Variants in BRD1 observed in about 807,000 individuals in gnomAD.
BRD1 encodes the protein bromodomain containing 1.
Under a neutral mutation model 107.7 loss-of-function variants are expected in BRD1, and 24 were observed. The observed-to-expected ratio is 0.22, with a 90% CI of 0.16 to 0.31. The LOEUF is 0.31. Among genes scored for constraint, BRD1 ranks in the 10% least tolerant of loss-of-function variants. The pLI is 1.00. For missense variants in BRD1, 1,279 were observed against 1,638.6 expected (o/e 0.78, Z 3.79); for synonymous variants, 744 against 686.1 (o/e 1.08, Z -1.32).
Position 49,823,695 on chromosome 22 carries a change from T to C in BRD1, c.623A>G (p.Gln208Arg). Reference sequence around the variant, plus strand: ...CACGGCGTCCTCGTCGATCAGAGACTGCTGCTCGCCCTGCTTCTGGTTCTC... The same window carrying C: ...CACGGCGTCCTCGTCGATCAGAGACCGCTGCTCGCCCTGCTTCTGGTTCTC... ...HCENQKQGEQQSLIDEDAVCC... is the reference protein window; with the variant it reads ...HCENQKQGEQRSLIDEDAVCC... The change falls in exon 2 of 13, where the codon CAG (glutamine) becomes CGG (arginine). Residue 208 changes from glutamine (Q) to arginine (R), a missense_variant. This residue lies in a region of BRD1 where 158 missense variants were observed against 310.2 expected (regional missense o/e 0.51). Transcript: ENST00000404760. 6.2e-7 allele frequency: 1 copy of C among 1,613,848 alleles called. No homozygotes were observed. Among genetic ancestry groups the C allele is most frequent in the Non-Finnish European group, 8.5e-7 (1 of 1,179,964 alleles).
Position 49,794,092 on chromosome 22 carries a change from T to G in BRD1, c.2301A>C (p.Pro767=). ...CGTCCTCTTCGAAGCCTTCCAAGCC[T>G]GGCCCCGTGGGCAGGGGCTGGCTGT... ...QQHSQPLPTG[P]GLEGFEEDGA... is the part of the protein sequence containing the mutation. Residue 767 remains proline, a synonymous_variant, in exon 7 of 13, where the codon CCA becomes CCC. Coordinates refer to ENST00000404760, the MANE Select transcript of BRD1 (RefSeq NM_001304808.3). 6.2e-7 allele frequency: 1 copy of G among 1,614,210 alleles called. No homozygotes were observed. The highest frequency in any genetic ancestry group is 8.5e-7 in the Non-Finnish European group (1 of 1,180,048).
chr22:49,815,219 T>C (rs1275299210), intron 2 of BRD1, among the ~76,000 whole-genome samples: 1 of 152,180 alleles, frequency 6.6e-6, no homozygotes, highest in Non-Finnish European at 1.5e-5. Flanking sequence ...CCAGCACAAT[T>C]TTTATTTGCT....
At chr22:49,809,765 C>G (rs1421315515) in intron 2 of BRD1, among the ~76,000 whole-genome samples, 1 of 152,054 alleles carries the variant, frequency 6.6e-6, no homozygotes, top group Non-Finnish European at 1.5e-5. Flanking sequence ...ATTCCAAATG[C>G]GTACACACTG....
chr22:49,800,159 C>T (rs963372279), intron 3 of BRD1, among the ~76,000 whole-genome samples: 11 of 152,096 alleles, frequency 7.2e-5, no homozygotes, highest in East Asian at 5.8e-4. Context: ...TTCAAAGGAC[C>T]GAGGGTGTGA....
At chr22:49,807,977 T>C (rs1024432566) in intron 2 of BRD1, among the ~76,000 whole-genome samples, 7 of 152,210 alleles carry the variant, frequency 4.6e-5, no homozygotes, top group African/African-American at 7.2e-5. Context: ...CAAACTATGA[T>C]GTCACCTTCA....
chr22:49,775,836 C>CCCCCCCCCCG, intron 11 of BRD1, 91 bp from the exon 12 acceptor site: 1 of 1,270,248 alleles, frequency 7.9e-7, no homozygotes, highest in South Asian at 1.8e-5. Flanking sequence ...CCTCCCCACC[C>CCCCCCCCCCG]CAGCTGTGTG....
At chr22:49,799,602 G>A (rs1221687073) in intron 3 of BRD1, among the ~76,000 whole-genome samples, 1 of 152,236 alleles carries the variant, frequency 6.6e-6, no homozygotes, top group East Asian at 1.9e-4. Flanking sequence ...ACGGGGGCCT[G>A]GCACACAGCC....
At chr22:49,810,664 C>G (rs1282488594) in intron 2 of BRD1, among the ~76,000 whole-genome samples, 2 of 152,208 alleles carry the variant, frequency 1.3e-5, no homozygotes, top group Non-Finnish European at 2.9e-5. Context: ...TGGCAAAGAT[C>G]TGAACAGACA....
rs1254501800 is a variant in BRD1, at chr22:49,798,919, G to A, written c.1656+69C>T. The A allele has an allele frequency of 1.7e-5, 26 of 1,528,468 alleles. No homozygotes were observed. The Admixed American group carries it at 4.4e-4, about 26-fold the overall frequency. The allele number at this position is 1,528,468 out of a possible 1,614,324, so 94.7% of individuals were successfully genotyped here. A position where few individuals can be genotyped will look rare whatever the true frequency, so the allele number is the denominator to read the frequency against. On this transcript the variant is annotated intron_variant, in intron 4 of 12. Coordinates refer to ENST00000404760, the MANE Select transcript of BRD1 (RefSeq NM_001304808.3). ...ACCGGGTGCAGCCCACCCTCTGCAG[G>A]AGCTGCCAGCGTCCCACCCACGCCC... is the stretch of plus-strand genomic sequence containing the variant.
chr22:49,801,944 G>A (rs1378636249), intron 3 of BRD1, among the ~76,000 whole-genome samples: 1 of 152,200 alleles, frequency 6.6e-6, no homozygotes, highest in African/African-American at 2.4e-5. Context: ...GCTTATGAGA[G>A]TAGAAATGAT....
intron 2 of BRD1, among the ~76,000 whole-genome samples, chr22:49,813,718 G>C (rs2059898506): frequency 6.6e-6 from 1 of 151,744 alleles, no homozygotes; most frequent in Non-Finnish European, 1.5e-5. Context: ...TGTAATGCCA[G>C]TTACTCGGGA....
intron 9 of BRD1, 60 bp from the exon 10 acceptor site, chr22:49,777,221 G>A (rs1369421747): frequency 1.9e-6 from 3 of 1,596,116 alleles, no homozygotes; most frequent in Admixed American, 3.3e-5. Flanking sequence ...CCTCACTCGG[G>A]CTTCGTCCCG....
chr22:49,818,413 G>C, intron 2 of BRD1: 1 of 1,096,850 alleles, frequency 9.1e-7, no homozygotes, highest in Non-Finnish European at 1.1e-6. Context: ...GATTATGCGT[G>C]TATTTATCCC....
At chr22:49,779,348 G>A (rs1012432001) in intron 8 of BRD1, among the ~76,000 whole-genome samples, 2 of 152,200 alleles carry the variant, frequency 1.3e-5, no homozygotes, top group African/African-American at 4.8e-5. Context: ...CTTGCTGTCT[G>A]TTCTCAATGA....
chr22:49,777,863 G>C (rs369225919), intron 8 of BRD1, 50 bp from the exon 9 acceptor site: 51 of 1,552,590 alleles, frequency 3.3e-5, no homozygotes, highest in Non-Finnish European at 3.8e-5. Context: ...AGGGCACACT[G>C]AAGCATGACT....
In BRD1 at chr22:49,783,105, G is replaced by GACGCCTGC. The variant is rs1257474320; in HGVS notation, c.2857+4277_2857+4284dup. ...AGAGACAGAACCAAGGCCCAGGCCA[G>GACGCCTGC]ACGCCTGCACGAGACCTGCTCTTGC... is the stretch of plus-strand genomic sequence containing the variant. On this transcript the variant is annotated intron_variant, in intron 8 of 12. Transcript: ENST00000404760. This position sits in a 1 kb window ranked among gnomAD's most constrained non-coding sequence, Gnocchi z 4.2. Among the ~76,000 whole-genome samples the GACGCCTGC allele has an allele frequency of 2.7e-5, 4 of 150,716 alleles. No homozygotes were observed. The highest frequency in any genetic ancestry group is 5.9e-5 in the Non-Finnish European group (4 of 67,790).
At chr22:49,790,225 C>T (rs2059407636) in intron 7 of BRD1, among the ~76,000 whole-genome samples, 1 of 152,210 alleles carries the variant, frequency 6.6e-6, no homozygotes, top group Admixed American at 6.5e-5. Context: ...GCCTCAGTTC[C>T]TCATCCATAA....
At chr22:49,777,301 G>A (rs1220491838) in intron 9 of BRD1, 140 bp from the exon 10 acceptor site, 1 of 1,349,660 alleles carries the variant, frequency 7.4e-7, no homozygotes, top group African/African-American at 1.4e-5. Context: ...GCCTGTGGGT[G>A]CGCAGGTCTG....
chr22:49,787,613 G>A lies in BRD1; in HGVS notation c.2634C>T (p.Asn878=). The change falls in exon 8 of 13, where the codon AAC becomes AAT. Residue 878 remains asparagine (N), a synonymous_variant. Coordinates refer to ENST00000404760, the MANE Select transcript of BRD1 (RefSeq NM_001304808.3). ...TGCAGAAGAGAACAGAAGTGCGTCT[G>A]TTTACATCGCTTGCTGGCTCCGCCA... is the stretch of plus-strand genomic sequence containing the variant. ...SAVAEPASDV[N]RRTSVLFCKS... 3 of 1,552,242 alleles carry A rather than the reference G, an allele frequency of 1.9e-6. No homozygotes were observed. The highest frequency in any genetic ancestry group is 1.4e-5 in the African/African-American group (1 of 73,226).
Sources: allele counts gnomAD v4.1 joint callset (sites outside exome capture counted in the v4.1 genomes callset), GRCh38; gene constraint gnomAD v4.1.1; regional missense constraint gnomAD v4.1.1; non-coding constraint Gnocchi (gnomAD v3.1); transcripts MANE v1.5; gene names NCBI Gene and HGNC (gene_info 2026-07-23, HGNC 2026-07-21).